Variants in PDE4D observed in about 807,000 individuals in gnomAD.
PDE4D encodes the protein phosphodiesterase 4D, also known as 3',5'-cyclic-AMP phosphodiesterase 4D.
A neutral mutation model predicts 87.4 loss-of-function variants in PDE4D; 24 were observed. The observed-to-expected ratio is 0.27, with a 90% confidence interval of 0.20 to 0.39. The LOEUF is 0.39. Ranked by LOEUF, PDE4D falls within the 10% of genes least tolerant of loss-of-function variation. The pLI, the probability that PDE4D is intolerant of heterozygous loss-of-function variation, is 1.00. For missense variants in PDE4D, 714 were observed against 1,041.0 expected (o/e 0.69, Z 4.32); for synonymous variants, 384 against 383.2 (o/e 1.00, Z -0.02).
intron 3 of PDE4D, among the ~76,000 whole-genome samples, chr5:59,952,223 G>A (rs1758367267): frequency 6.6e-6 from 1 of 152,050 alleles, no homozygotes; most frequent in Non-Finnish European, 1.5e-5. Context: ...TAAGTTTCCT[G>A]AGGCCTCCCA....
intron 1 of PDE4D, among the ~76,000 whole-genome samples, chr5:59,368,884 T>C (rs892665271): frequency 2.0e-5 from 3 of 152,190 alleles, no homozygotes; most frequent in African/African-American, 4.8e-5. Context: ...AACCCTGAGC[T>C]AGGTAAAATG....
At chr5:60,145,013 ATTAT>A (rs1307494513) in intron 2 of PDE4D, among the ~76,000 whole-genome samples, 1 of 152,226 alleles carries the variant, frequency 6.6e-6, no homozygotes, top group African/African-American at 2.4e-5. Flanking sequence ...GAGGTATTTA[ATTAT>A]TTGACATAAA....
At chr5:59,763,112 T>TA (rs891628697) in intron 1 of PDE4D, among the ~76,000 whole-genome samples, 15 of 151,186 alleles carry the variant, frequency 9.9e-5, no homozygotes, top group African/African-American at 1.5e-4. Context: ...ATTTTATTCT[T>TA]AAAAAAATAA....
chr5:60,074,899 C>A (rs117172249), intron 2 of PDE4D, among the ~76,000 whole-genome samples: 1 of 151,962 alleles, frequency 6.6e-6, no homozygotes, highest in Non-Finnish European at 1.5e-5. Context: ...TGGGTGTCAC[C>A]GCATATGAGA....
intron 1 of PDE4D, among the ~76,000 whole-genome samples, chr5:59,735,984 T>C (rs1281894150): frequency 6.6e-6 from 1 of 151,814 alleles, no homozygotes; most frequent in Non-Finnish European, 1.5e-5. Context: ...ACAAAACTTC[T>C]TTACAATAAA....
At chr5:59,281,225 T>C (rs1485566428) in intron 1 of PDE4D, among the ~76,000 whole-genome samples, 1 of 152,190 alleles carries the variant, frequency 6.6e-6, no homozygotes, top group East Asian at 1.9e-4. Context: ...TATTGTTCTC[T>C]GATTTGGTTA....
chr5:60,519,446 T>G (rs1750940733), intron 1 of PDE4D, among the ~76,000 whole-genome samples: 1 of 152,108 alleles, frequency 6.6e-6, no homozygotes. Context: ...AATGAAAGAG[T>G]TAAAATTCTG....
chr5:59,500,087 TTA>T (rs900800591), intron 1 of PDE4D, among the ~76,000 whole-genome samples: 6 of 152,130 alleles, frequency 3.9e-5, no homozygotes, highest in Non-Finnish European at 8.8e-5. Flanking sequence ...GGCTAGTATA[TTA>T]AAAAAATCAA....
intron 1 of PDE4D, among the ~76,000 whole-genome samples, chr5:59,789,887 C>A (rs1243685394): frequency 6.6e-6 from 1 of 152,216 alleles, no homozygotes; most frequent in Non-Finnish European, 1.5e-5. Context: ...AGCTATAGCA[C>A]TGAAGATAAT....
intron 1 of PDE4D, among the ~76,000 whole-genome samples, chr5:60,415,687 AG>A (rs1742460595): frequency 6.6e-6 from 1 of 152,182 alleles, no homozygotes; most frequent in Non-Finnish European, 1.5e-5. Flanking sequence ...GCCACGCCTG[AG>A]TCTCCCCACA....
chr5:59,533,920 A>G (rs1481233160), intron 1 of PDE4D, among the ~76,000 whole-genome samples: 1 of 152,228 alleles, frequency 6.6e-6, no homozygotes, highest in Non-Finnish European at 1.5e-5. Context: ...TGAGTCAGCA[A>G]TTAAGGCTAA....
chr5:59,868,796 C>T (rs768640049), intron 1 of PDE4D, among the ~76,000 whole-genome samples: 1 of 152,210 alleles, frequency 6.6e-6, no homozygotes, highest in Non-Finnish European at 1.5e-5. Flanking sequence ...TGTAGTTTCT[C>T]ACACTGGCTA....
chr5:59,599,407 T>TA (rs879731191), intron 1 of PDE4D, among the ~76,000 whole-genome samples: 4,586 of 151,346 alleles, frequency 0.03, 111 homozygotes, highest in Non-Finnish European at 0.047. Context: ...TTTATTTATT[T>TA]TTTTTTTATT....
intron 1 of PDE4D, among the ~76,000 whole-genome samples, chr5:59,405,085 G>A (rs1791384770): frequency 1.2e-5 from 1 of 81,344 alleles, no homozygotes; most frequent in Non-Finnish European, 2.4e-5. Context: ...GGTTATACAT[G>A]AATTTTAAGA....
At chr5:59,861,530 A>G (rs1160815158) in intron 1 of PDE4D, among the ~76,000 whole-genome samples, 2 of 152,236 alleles carry the variant, frequency 1.3e-5, no homozygotes, top group Non-Finnish European at 2.9e-5. Flanking sequence ...CATTCGAAAC[A>G]ATGGGAAAAC....
chr5:60,469,203 T>C (rs1435039738), intron 1 of PDE4D, among the ~76,000 whole-genome samples: 1 of 152,210 alleles, frequency 6.6e-6, no homozygotes, highest in African/African-American at 2.4e-5. Context: ...CCCAGGTCTC[T>C]GCTCTGAATT....
chr5:59,561,856 C>T (rs571023826), intron 1 of PDE4D, among the ~76,000 whole-genome samples: 39 of 151,674 alleles, frequency 2.6e-4, no homozygotes, highest in Admixed American at 1.2e-3. Flanking sequence ...TGCTTGAACC[C>T]GGGAGGCAGA....
At chr5:60,103,873 G>C (rs779769783) in intron 2 of PDE4D, among the ~76,000 whole-genome samples, 15 of 152,082 alleles carry the variant, frequency 9.9e-5, no homozygotes, top group Non-Finnish European at 1.5e-4. Context: ...AAAAAATCGA[G>C]GAAGAGACAA....
chr5:60,237,296 G>A (rs1746534777), intron 1 of PDE4D, among the ~76,000 whole-genome samples: 1 of 151,952 alleles, frequency 6.6e-6, no homozygotes, highest in South Asian at 2.1e-4. Flanking sequence ...CAGAGAAAAA[G>A]AATTATGATC....
Sources: allele counts gnomAD v4.1 joint callset (sites outside exome capture counted in the v4.1 genomes callset), GRCh38; gene constraint gnomAD v4.1.1; transcripts MANE v1.5; gene names NCBI Gene and HGNC (gene_info 2026-07-23, HGNC 2026-07-21).